The following LPAR3 variants were observed in gnomAD, a reference collection of about 807,000 sequenced individuals.
LPAR3 encodes the protein lysophosphatidic acid receptor 3, also known as LPA receptor 3.
A neutral mutation model predicts 17.8 loss-of-function variants in LPAR3; 7 were observed. The observed-to-expected ratio is 0.39, with a 90% confidence interval of 0.22 to 0.74. The LOEUF (loss-of-function observed/expected upper bound fraction) is 0.74, where lower values mean the gene tolerates loss of function less well. Among genes scored for constraint, LPAR3 ranks in the 30% least tolerant of loss-of-function variants. The pLI is 0.40. For synonymous variants in LPAR3, 179 were observed against 179.9 expected (o/e 0.99, Z 0.04); for missense variants, 391 against 453.4 (o/e 0.86, Z 1.25).
intron 2 of LPAR3, among the ~76,000 whole-genome samples, chr1:84,827,946 T>C (rs1002818396): frequency 2.6e-5 from 4 of 151,956 alleles, no homozygotes; most frequent in Non-Finnish European, 5.9e-5. Context: ...TGGACAATAC[T>C]CCACCATTGT....
chr1:84,814,624 G>A (rs1482557953), intron 2 of LPAR3, among the ~76,000 whole-genome samples: 1 of 152,172 alleles, frequency 6.6e-6, no homozygotes. Context: ...ACATTCTGCT[G>A]TTACAGAAAT....
At chr1:84,875,101 T>C (rs1660231146) in intron 1 of LPAR3, among the ~76,000 whole-genome samples, 1 of 152,140 alleles carries the variant, frequency 6.6e-6, no homozygotes, top group Admixed American at 6.6e-5. Flanking sequence ...GGTTTCACCA[T>C]GTTGGCCAGG....
intron 1 of LPAR3, among the ~76,000 whole-genome samples, chr1:84,892,093 A>G (rs1026469240): frequency 2.9e-4 from 44 of 151,948 alleles, no homozygotes; most frequent in African/African-American, 1.0e-3. Flanking sequence ...GGCGCCTGCA[A>G]TCCCAGCTAC....
At chr1:84,823,594 T>A (rs2102746215) in intron 2 of LPAR3, among the ~76,000 whole-genome samples, 1 of 152,282 alleles carries the variant, frequency 6.6e-6, no homozygotes. Flanking sequence ...ACTGAAAATC[T>A]TGATACCAAG....
At chr1:84,852,272 G>T (rs146467045) in intron 2 of LPAR3, among the ~76,000 whole-genome samples, 9,278 of 152,020 alleles carry the variant, frequency 0.061, 383 homozygotes, top group African/African-American at 0.11. Context: ...TAGTAGATGG[G>T]GTTTCACCAT....
intron 1 of LPAR3, among the ~76,000 whole-genome samples, chr1:84,876,094 T>C (rs1191566145): frequency 2.6e-5 from 4 of 152,192 alleles, no homozygotes; most frequent in African/African-American, 7.2e-5. Context: ...CTGTTACTGC[T>C]AAACAAACAA....
intron 2 of LPAR3, among the ~76,000 whole-genome samples, chr1:84,829,979 TCAAC>T (rs932581580): frequency 1.1e-4 from 17 of 152,224 alleles, no homozygotes; most frequent in African/African-American, 4.1e-4. Flanking sequence ...AGTTAAGCCC[TCAAC>T]CAAAGTCACC....
rs1660586358 is a variant in LPAR3 at position 84,893,158 on chromosome 1, C to T, written c.-161G>A. ...AGCAGCGGAGGACGCGGCGGGCGGG[C>T]GGAGCGCCTCCTCTCCAGCGACCCC... On this transcript the variant is annotated 5_prime_UTR_variant, in exon 1 of 3. Coordinates refer to ENST00000370611, the MANE Select transcript of LPAR3 (RefSeq NM_012152.3). 2 of 152,106 alleles carry T rather than the reference C, an allele frequency of 1.3e-5. No homozygotes were observed. The highest frequency in any genetic ancestry group is 4.8e-5 in the African/African-American group (2 of 41,450). The allele number at this position is 152,106 out of a possible 1,614,324, so 9.4% of individuals were successfully genotyped here. A position where few individuals can be genotyped will look rare whatever the true frequency, so the allele number is the denominator to read the frequency against.
chr1:84,835,671 C>T (rs1659388405), intron 2 of LPAR3, among the ~76,000 whole-genome samples: 1 of 152,144 alleles, frequency 6.6e-6, no homozygotes, highest in South Asian at 2.1e-4. Flanking sequence ...TCCAATATTA[C>T]TATTTTGCTC....
At chr1:84,849,536 CAGAT>C (rs1461714113) in intron 2 of LPAR3, among the ~76,000 whole-genome samples, 1 of 152,038 alleles carries the variant, frequency 6.6e-6, no homozygotes, top group Non-Finnish European at 1.5e-5. Context: ...AGACTCAGCA[CAGAT>C]AGAGAGCAGG....
intron 2 of LPAR3, among the ~76,000 whole-genome samples, chr1:84,840,696 T>C (rs1247954386): frequency 6.6e-6 from 1 of 152,194 alleles, no homozygotes; most frequent in Admixed American, 6.5e-5. Context: ...TCATTGACAT[T>C]GAAAAAAAAC....
chr1:84,829,180 T>TTTTTTTTTTG (rs1553146936), intron 2 of LPAR3, among the ~76,000 whole-genome samples: 1 of 123,754 alleles, frequency 8.1e-6, no homozygotes. Context: ...TTTTTTTTTT[T>TTTTTTTTTTG]GCTTATTGGT....
intron 2 of LPAR3, among the ~76,000 whole-genome samples, chr1:84,834,545 G>T (rs568543895): frequency 6.6e-6 from 1 of 152,024 alleles, no homozygotes; most frequent in Non-Finnish European, 1.5e-5. Flanking sequence ...GGCAATTCTA[G>T]TTAGTCCAGC....
rs575835147 is a variant in LPAR3 at position 84,846,268 on chromosome 1, A to G, written c.736+19117T>C. Among the ~76,000 whole-genome samples the G allele has an allele frequency of 2.6e-5, 4 of 152,338 alleles. No individual in the cohort carries two copies. The South Asian group carries it at 8.3e-4, about 32-fold the overall frequency. On this transcript the variant is annotated intron_variant, in intron 2 of 2. Coordinates refer to ENST00000370611, the MANE Select transcript of LPAR3 (RefSeq NM_012152.3). Reference sequence around the variant, plus strand: ...GAGAACTACGAATCACATTGCTCCAATTAAGGTTAGAAATGCTCTAATTTG... The same window carrying G: ...GAGAACTACGAATCACATTGCTCCAGTTAAGGTTAGAAATGCTCTAATTTG...
intron 1 of LPAR3, among the ~76,000 whole-genome samples, chr1:84,879,093 G>A (rs1398940914): frequency 6.6e-6 from 1 of 151,898 alleles, no homozygotes; most frequent in Non-Finnish European, 1.5e-5. Context: ...CGACCCTCAG[G>A]CTACATTAAA....
At chr1:84,814,617 T>C (rs545590709) in intron 2 of LPAR3, among the ~76,000 whole-genome samples, 20 of 152,346 alleles carry the variant, frequency 1.3e-4, no homozygotes, top group South Asian at 8.3e-4. Flanking sequence ...TCACCCTACA[T>C]TCTGCTGTTA....
chr1:84,837,646 G>A (rs574033644), intron 2 of LPAR3, among the ~76,000 whole-genome samples: 2 of 152,294 alleles, frequency 1.3e-5, no homozygotes, highest in African/African-American at 4.8e-5. Flanking sequence ...ATATTCGTAA[G>A]TTTGTTGACA....
chr1:84,867,594 G>A (rs1162679918), intron 1 of LPAR3, among the ~76,000 whole-genome samples: 1 of 151,734 alleles, frequency 6.6e-6, no homozygotes, highest in Non-Finnish European at 1.5e-5. Flanking sequence ...ACATGAATTA[G>A]ATATTGCTTT....
chr1:84,873,760 T>TG, intron 1 of LPAR3, among the ~76,000 whole-genome samples: 1 of 146,046 alleles, frequency 6.8e-6, no homozygotes, highest in Admixed American at 6.7e-5. Context: ...GCTTGTTTGT[T>TG]TTTTTTTTTT....
Sources: gnomAD v4.1 joint callset for allele counts (sites outside exome capture counted in the v4.1 genomes callset) on GRCh38, gnomAD v4.1.1 for gene constraint, MANE v1.5 for transcripts, NCBI Gene and HGNC (gene_info 2026-07-23, HGNC 2026-07-21) for gene names.